The following RSU1 variants were observed in gnomAD, a reference collection of about 807,000 sequenced individuals.
RSU1 encodes rsu-1.
A neutral mutation model predicts 31.1 loss-of-function variants in RSU1; 26 were observed. That is an observed-to-expected ratio of 0.84 (90% CI 0.61 to 1.16). The LOEUF is 1.16. RSU1 is among the 50% of genes most tolerant of loss of function. RSU1 has a pLI of 0.00. For missense variants in RSU1, 320 were observed against 339.1 expected, an observed-to-expected ratio of 0.94 and a Z score of 0.44; for synonymous variants, 164 against 136.3, an observed-to-expected ratio of 1.20 and a Z score of -1.41.
At chr10:16,767,551 G>T (rs1316424210) in intron 3 of RSU1, 2 of 151,738 alleles carry the variant, frequency 1.3e-5, no homozygotes, top group East Asian at 3.9e-4. Flanking sequence ...ATTCAAGCTA[G>T]ACGAGGAAAA....
intron 2 of RSU1, among the ~76,000 whole-genome samples, chr10:16,785,473 C>CATATATACATATATACATATAT: frequency 7.7e-6 from 1 of 130,656 alleles, no homozygotes; most frequent in East Asian, 2.1e-4. Context: ...TATATATACA[C>CATATATACATATATACATATAT]ATATATACAT....
chr10:16,729,352 C>A (rs1288335742), intron 7 of RSU1, among the ~76,000 whole-genome samples: 2 of 152,200 alleles, frequency 1.3e-5, no homozygotes, highest in African/African-American at 4.8e-5. Context: ...CTATTCACCT[C>A]CCTGTGAGTA....
At chr10:16,809,046 A>T (rs1322523213) in intron 2 of RSU1, among the ~76,000 whole-genome samples, 1 of 152,110 alleles carries the variant, frequency 6.6e-6, no homozygotes, top group Non-Finnish European at 1.5e-5. Flanking sequence ...TGTCAAAATC[A>T]CCCAGCCTGC....
At position 16,605,283 on chromosome 10, in the gene RSU1, G is replaced by A. The variant is rs573976702; in HGVS notation, c.732-11787C>T. Among the ~76,000 whole-genome samples, 17 of 152,078 alleles carry A rather than the reference G, an allele frequency of 1.1e-4. 1 individual carries two copies. The South Asian group carries it at 3.1e-3, about 28-fold the overall frequency. ...TACGTTCATTTCCATCATACCACTC[G>A]TCACCATCTAGTTATTTATTTGATG... is the stretch of plus-strand genomic sequence containing the variant. On this transcript the variant is annotated intron_variant, in intron 8 of 8. Coordinates refer to ENST00000345264, the MANE Select transcript of RSU1 (RefSeq NM_012425.4).
chr10:16,601,759 C>T (rs1188562605), intron 8 of RSU1, among the ~76,000 whole-genome samples: 2 of 152,204 alleles, frequency 1.3e-5, no homozygotes, highest in African/African-American at 4.8e-5. Flanking sequence ...TCTGCACTAA[C>T]AGGCGTGTGC....
At chr10:16,597,861 C>T (rs960823134) in intron 8 of RSU1, among the ~76,000 whole-genome samples, 6 of 152,182 alleles carry the variant, frequency 3.9e-5, no homozygotes, top group African/African-American at 9.7e-5. Flanking sequence ...GGCTGGATGA[C>T]GCTGCTGTCC....
At chr10:16,721,676 G>A (rs1309895665) in intron 7 of RSU1, 1 of 152,176 alleles carries the variant, frequency 6.6e-6, no homozygotes. Flanking sequence ...ATTGCAATAG[G>A]CTTTTCTGAG....
chr10:16,610,002 G>A (rs1027572714), intron 8 of RSU1, among the ~76,000 whole-genome samples: 4 of 152,074 alleles, frequency 2.6e-5, no homozygotes, highest in Non-Finnish European at 5.9e-5. Context: ...AAAAAGACTG[G>A]ATGGAATTAA....
At chr10:16,642,234 C>CAGGT (rs1834454683) in intron 8 of RSU1, among the ~76,000 whole-genome samples, 1 of 152,022 alleles carries the variant, frequency 6.6e-6, no homozygotes, top group Non-Finnish European at 1.5e-5. Flanking sequence ...CTAAGGCAGG[C>CAGGT]AGGTAGGGAG....
At chr10:16,620,285 G>C (rs1834046600) in intron 8 of RSU1, among the ~76,000 whole-genome samples, 1 of 152,176 alleles carries the variant, frequency 6.6e-6, no homozygotes, top group Non-Finnish European at 1.5e-5. Context: ...GGCTGCTGTT[G>C]ATGTCAATAG....
rs144689299 is a variant in RSU1 at position 16,625,219 on chromosome 10, G to T, written c.732-31723C>A. On this transcript the variant is annotated intron_variant, in intron 8 of 8. Coordinates refer to ENST00000345264, the MANE Select transcript of RSU1 (RefSeq NM_012425.4). ...CCTTCTCTTGTCCTGCTCCTGAGAG[G>T]AAGTGAGCCAGACTGGACTTGGGAA... Among the ~76,000 whole-genome samples, 267 of 152,220 alleles carry T rather than the reference G, an allele frequency of 1.8e-3. 1 individual carries two copies. Among genetic ancestry groups the T allele is most frequent in the African/African-American group, 6.1e-3 (252 of 41,530 alleles).
intron 4 of RSU1, among the ~76,000 whole-genome samples, chr10:16,759,252 C>T (rs1321284240): frequency 6.6e-6 from 1 of 152,112 alleles, no homozygotes; most frequent in African/African-American, 2.4e-5. Flanking sequence ...GTAATCCCAG[C>T]ACTTTGGAAG....
intron 8 of RSU1, among the ~76,000 whole-genome samples, chr10:16,691,616 C>A (rs1453036749): frequency 6.6e-6 from 1 of 151,998 alleles, no homozygotes; most frequent in Non-Finnish European, 1.5e-5. Context: ...TTGTGACCTC[C>A]CAGCAGAGCA....
At chr10:16,793,277 T>C (rs1451984494) in intron 2 of RSU1, among the ~76,000 whole-genome samples, 5 of 152,208 alleles carry the variant, frequency 3.3e-5, no homozygotes, top group African/African-American at 1.2e-4. Context: ...CTTGACTGAA[T>C]TCTACTATTT....
chr10:16,812,097 T>C (rs999149677), intron 2 of RSU1, among the ~76,000 whole-genome samples: 1 of 152,116 alleles, frequency 6.6e-6, no homozygotes, highest in African/African-American at 2.4e-5. Context: ...AGCGGCGTGT[T>C]TAAAAACAGA....
At chr10:16,742,756 C>T (rs1434393830) in intron 7 of RSU1, among the ~76,000 whole-genome samples, 6 of 152,194 alleles carry the variant, frequency 3.9e-5, no homozygotes, top group African/African-American at 1.4e-4. Context: ...GATTGATGCA[C>T]ATGTTCAATC....
chr10:16,781,763 G>A (rs979732493), intron 3 of RSU1, among the ~76,000 whole-genome samples: 2 of 152,290 alleles, frequency 1.3e-5, no homozygotes, highest in South Asian at 2.1e-4. Context: ...AAGGCAGGAC[G>A]ATCGCTTGAG....
At chr10:16,760,336 G>A (rs1266732962) in intron 4 of RSU1, among the ~76,000 whole-genome samples, 1 of 151,788 alleles carries the variant, frequency 6.6e-6, no homozygotes, top group East Asian at 1.9e-4. Flanking sequence ...ATGGTGAAAC[G>A]CCATCTCTAC....
chr10:16,618,052 CAAATGGGAGA>C (rs1356236146), intron 8 of RSU1, among the ~76,000 whole-genome samples: 1 of 152,156 alleles, frequency 6.6e-6, no homozygotes, highest in Non-Finnish European at 1.5e-5. Context: ...AGGCAACCTT[CAAATGGGAGA>C]AAATTTTTGC....
Sources: gnomAD v4.1 joint callset for allele counts (sites outside exome capture counted in the v4.1 genomes callset) on GRCh38, gnomAD v4.1.1 for gene constraint, MANE v1.5 for transcripts, NCBI Gene and HGNC (gene_info 2026-07-23, HGNC 2026-07-21) for gene names.